PTPRG: variants seen among roughly 807,000 people sequenced by gnomAD.
PTPRG encodes receptor-type tyrosine-protein phosphatase gamma.
A neutral mutation model predicts 165.3 loss-of-function variants in PTPRG; 102 were observed. The ratio of observed to expected loss-of-function variants is 0.62; its 90% CI spans 0.53 to 0.73. PTPRG has a LOEUF of 0.73. Ranked by LOEUF, PTPRG falls within the 30% of genes least tolerant of loss-of-function variation. PTPRG has a pLI of 0.00. For synonymous variants in PTPRG, 675 were observed against 669.5 expected (o/e 1.01, Z -0.13); for missense variants, 1,866 against 1,861.4 (o/e 1.00, Z -0.05).
At chr3:62,072,985 A>T (rs1237447994) in intron 4 of PTPRG, among the ~76,000 whole-genome samples, 1 of 152,214 alleles carries the variant, frequency 6.6e-6, no homozygotes. Context: ...ATAAAAAAAT[A>T]GGAGAACGTG....
In PTPRG at chr3:61,978,607, T is replaced by C. The variant is rs116288265; in HGVS notation, c.191-11018T>C. On this transcript the variant is annotated intron_variant, in intron 2 of 29. Transcript: ENST00000474889. Reference sequence around the variant, plus strand: ...TTTCTTGTAAACATATGTATTAAGTTGCTGGTACATAAGGTATGCAGATGT... The same window carrying C: ...TTTCTTGTAAACATATGTATTAAGTCGCTGGTACATAAGGTATGCAGATGT... 7.9e-3 allele frequency among the ~76,000 whole-genome samples: 1,210 copies of C among 152,334 alleles called. 17 individuals are homozygous for C. Among genetic ancestry groups the C allele is most frequent in the African/African-American group, 0.027 (1,128 of 41,576 alleles).
intron 2 of PTPRG, among the ~76,000 whole-genome samples, chr3:61,779,980 G>T (rs892756502): frequency 5.9e-5 from 9 of 152,044 alleles, no homozygotes; most frequent in Non-Finnish European, 1.0e-4. Context: ...TGTTTCCTGG[G>T]TCACCTCCCA....
At chr3:62,043,820 G>C (rs1311327736) in intron 4 of PTPRG, among the ~76,000 whole-genome samples, 2 of 152,066 alleles carry the variant, frequency 1.3e-5, no homozygotes, top group East Asian at 3.9e-4. Context: ...TAGTCAATTC[G>C]GAAGAAAATA....
intron 2 of PTPRG, among the ~76,000 whole-genome samples, chr3:61,924,486 C>A (rs1480514006): frequency 6.6e-6 from 1 of 152,218 alleles, no homozygotes; most frequent in Non-Finnish European, 1.5e-5. Flanking sequence ...AACTTTGAAG[C>A]ACCTTGATTA....
intron 17 of PTPRG, among the ~76,000 whole-genome samples, chr3:62,264,899 G>T (rs747568882): frequency 6.7e-6 from 1 of 150,050 alleles, no homozygotes; most frequent in Non-Finnish European, 1.5e-5. Flanking sequence ...TTCATTTTAC[G>T]TTCCCACCAA....
At chr3:61,884,991 A>G (rs970835300) in intron 2 of PTPRG, among the ~76,000 whole-genome samples, 2 of 150,720 alleles carry the variant, frequency 1.3e-5, no homozygotes, top group African/African-American at 4.9e-5. Context: ...AGAGTCGCTT[A>G]CAGATCTGTC....
chr3:61,709,882 G>A (rs568691799), intron 1 of PTPRG, among the ~76,000 whole-genome samples: 32 of 152,236 alleles, frequency 2.1e-4, no homozygotes, highest in African/African-American at 7.5e-4. Context: ...CACCTGGACG[G>A]CTTGATGCAA....
chr3:62,225,755 A>G lies in PTPRG; in HGVS notation c.2289-5470A>G, dbSNP rs140278723. On this transcript the variant is annotated intron_variant, in intron 13 of 29. Transcript: ENST00000474889. The stretch of plus-strand genomic sequence containing the variant: ...ACTGCACCTCCACCTCCTGGGTTCA[A>G]GCAATTCTCCTGCCTCAGCCTCTCG... Among the ~76,000 whole-genome samples the G allele has an allele frequency of 9.1e-3, 1,384 of 151,688 alleles. 15 individuals carry two copies. Among genetic ancestry groups the G allele is most frequent in the Middle Eastern group, 0.054 (16 of 294 alleles).
chr3:62,275,444 A>T (rs146525558), intron 23 of PTPRG, among the ~76,000 whole-genome samples: 1 of 152,304 alleles, frequency 6.6e-6, no homozygotes, highest in Non-Finnish European at 1.5e-5. Flanking sequence ...CACAGTACCT[A>T]TTTCTACCTG....
At chr3:62,122,359 A>G (rs1183183403) in intron 5 of PTPRG, among the ~76,000 whole-genome samples, 1 of 152,216 alleles carries the variant, frequency 6.6e-6, no homozygotes, top group Non-Finnish European at 1.5e-5. Flanking sequence ...GGTTTGGAAT[A>G]GGGAATGGCC....
At chr3:61,965,507 A>AT (rs2040251282) in intron 2 of PTPRG, among the ~76,000 whole-genome samples, 1 of 151,324 alleles carries the variant, frequency 6.6e-6, no homozygotes, top group South Asian at 2.1e-4. Context: ...AAAAAAAAAA[A>AT]GTTAAGCTTA....
chr3:62,222,520 C>T lies in PTPRG; in HGVS notation c.2288+3537C>T, dbSNP rs1242424878. On this transcript the variant is annotated intron_variant, in intron 13 of 29. Coordinates refer to ENST00000474889, the MANE Select transcript of PTPRG (RefSeq NM_002841.4). The surrounding 1 kb of genome is among the most constrained non-coding windows in gnomAD (Gnocchi z 4.5). ...TGACTTCTGTCATTTGTCCATACCC[C>T]GGAGTCGTCTGGTGGCCAAAAGGAT... 1.3e-5 allele frequency among the ~76,000 whole-genome samples: 2 copies of T among 152,192 alleles called. No individual in the cohort carries two copies. Among genetic ancestry groups the T allele is most frequent in the African/African-American group, 2.4e-5 (1 of 41,442 alleles).
At position 62,203,588 on chromosome 3, in the gene PTPRG, A is replaced by T; in HGVS notation, c.1793A>T (p.Asp598Val). The change falls in exon 12 of 30, where the codon GAT becomes GTT. Residue 598 changes from aspartate (D) to valine (V), a missense_variant. By Grantham distance (152) the Asp-to-Val change is radical. This residue lies in a region of PTPRG where 1,452 missense variants were observed against 1,463.0 expected (regional missense o/e 0.99). Coordinates refer to ENST00000474889, the MANE Select transcript of PTPRG (RefSeq NM_002841.4). This position sits in a 1 kb window ranked among gnomAD's most constrained non-coding sequence, Gnocchi z 6.4. ...GATGGGGAGCGGGAGCACGAGGAGG[A>T]TGGAGAGAAGGACTCCGAAAAGAAG... ...SEDGEREHEEDGEKDSEKKEK... is the reference protein window; with the variant it reads ...SEDGEREHEEVGEKDSEKKEK... 6.4e-7 allele frequency: 1 copy of T among 1,552,626 alleles called. No homozygotes were observed. Among genetic ancestry groups the T allele is most frequent in the Non-Finnish European group, 8.7e-7 (1 of 1,147,432 alleles).
chr3:61,699,738 GA>G (rs962828361), intron 1 of PTPRG, among the ~76,000 whole-genome samples: 1 of 152,142 alleles, frequency 6.6e-6, no homozygotes, highest in African/African-American at 2.4e-5. Context: ...CTACTGTGGA[GA>G]AACAAAAGCC....
At chr3:61,807,163 G>A (rs756157882) in intron 2 of PTPRG, among the ~76,000 whole-genome samples, 3 of 152,034 alleles carry the variant, frequency 2.0e-5, no homozygotes, top group Admixed American at 1.3e-4. Flanking sequence ...TTTCTGAGAC[G>A]ACTTGTAAAT....
intron 1 of PTPRG, among the ~76,000 whole-genome samples, chr3:61,704,829 G>C (rs943112790): frequency 6.6e-6 from 1 of 152,218 alleles, no homozygotes; most frequent in Non-Finnish European, 1.5e-5. Context: ...AACTGCATTT[G>C]TTCAGATAGG....
chr3:62,019,818 T>G (rs1458012403), intron 4 of PTPRG, among the ~76,000 whole-genome samples: 1 of 152,238 alleles, frequency 6.6e-6, no homozygotes, highest in Non-Finnish European at 1.5e-5. Context: ...ACAATAATAA[T>G]GATAGTTAAC....
chr3:62,055,049 A>T (rs1700589669), intron 4 of PTPRG, among the ~76,000 whole-genome samples: 1 of 152,162 alleles, frequency 6.6e-6, no homozygotes, highest in Non-Finnish European at 1.5e-5. Flanking sequence ...TTTCAGGTAG[A>T]ATTATATCTC....
At chr3:61,916,908 T>A (rs112306216) in intron 2 of PTPRG, among the ~76,000 whole-genome samples, 7 of 152,334 alleles carry the variant, frequency 4.6e-5, no homozygotes, top group African/African-American at 1.4e-4. Flanking sequence ...GTTTAAACAT[T>A]ATAACATTCT....
Sources: allele counts gnomAD v4.1 joint callset (sites outside exome capture counted in the v4.1 genomes callset), GRCh38; gene constraint gnomAD v4.1.1; regional missense constraint gnomAD v4.1.1; non-coding constraint Gnocchi (gnomAD v3.1); transcripts MANE v1.5; gene names NCBI Gene and HGNC (gene_info 2026-07-23, HGNC 2026-07-21).